The following PTK2B variants were observed in gnomAD, a reference collection of about 807,000 sequenced individuals.
PTK2B encodes the protein protein-tyrosine kinase 2-beta.
A neutral mutation model predicts 142.9 loss-of-function variants in PTK2B; 71 were observed. The observed-to-expected ratio is 0.50, with a 90% CI of 0.41 to 0.61. PTK2B has a LOEUF of 0.61. Ranked by LOEUF, PTK2B falls within the 20% of genes least tolerant of loss-of-function variation. The pLI is 0.00. For missense variants in PTK2B, 1,105 were observed against 1,320.4 expected (o/e 0.84, Z 2.53); for synonymous variants, 519 against 503.4 (o/e 1.03, Z -0.42).
intron 2 of PTK2B, among the ~76,000 whole-genome samples, chr8:27,407,289 T>C (rs995884411): frequency 1.3e-5 from 2 of 152,162 alleles, no homozygotes; most frequent in Non-Finnish European, 2.9e-5. Context: ...CCTGGGAACA[T>C]AAAACCCTTC....
chr8:27,445,686 T>G, intron 23 of PTK2B, 108 bp from the exon 24 acceptor site: 3 of 1,499,704 alleles, frequency 2.0e-6, no homozygotes, highest in Non-Finnish European at 2.7e-6. Context: ...CAAGCCCCAT[T>G]CCCTGTGGTG....
intron 2 of PTK2B, among the ~76,000 whole-genome samples, chr8:27,398,074 A>G (rs1563251968): frequency 6.6e-6 from 1 of 152,278 alleles, no homozygotes; most frequent in South Asian, 2.1e-4. Context: ...TTAAGTATTT[A>G]TGATACTTGA....
intron 1 of PTK2B, among the ~76,000 whole-genome samples, chr8:27,359,218 T>G (rs577522501): frequency 1.3e-5 from 2 of 152,224 alleles, no homozygotes; most frequent in South Asian, 2.1e-4. Flanking sequence ...CAGGTTCAAG[T>G]AATTCTCCTG....
At chr8:27,412,721 C>A (rs944222468) in intron 2 of PTK2B, among the ~76,000 whole-genome samples, 1 of 152,130 alleles carries the variant, frequency 6.6e-6, no homozygotes, top group African/African-American at 2.4e-5. Flanking sequence ...TGAATTTCAA[C>A]CCCAAGGACC....
At chr8:27,394,538 G>A (rs914728253) in intron 1 of PTK2B, among the ~76,000 whole-genome samples, 3 of 152,234 alleles carry the variant, frequency 2.0e-5, no homozygotes, top group African/African-American at 2.4e-5. Flanking sequence ...CGGAATCTGC[G>A]AGTGAGTGTG....
At chr8:27,344,825 A>G (rs1285140414) in intron 1 of PTK2B, among the ~76,000 whole-genome samples, 1 of 152,200 alleles carries the variant, frequency 6.6e-6, no homozygotes, top group African/African-American at 2.4e-5. Flanking sequence ...GTCTCAGACC[A>G]TACAGAACAC....
chr8:27,378,201 T>C (rs1022086921), intron 1 of PTK2B, among the ~76,000 whole-genome samples: 1 of 152,202 alleles, frequency 6.6e-6, no homozygotes, highest in Non-Finnish European at 1.5e-5. Context: ...AACCAAGGTC[T>C]CTCCTTGTAG....
intron 30 of PTK2B, among the ~76,000 whole-genome samples, chr8:27,454,969 A>C (rs1165918347): frequency 1.3e-5 from 2 of 152,204 alleles, no homozygotes; most frequent in Admixed American, 6.5e-5. Context: ...AATATCACTT[A>C]AGGTTTCTTT....
chr8:27,334,768 T>C (rs913409701), intron 1 of PTK2B, among the ~76,000 whole-genome samples: 2 of 152,130 alleles, frequency 1.3e-5, no homozygotes, highest in African/African-American at 4.8e-5. Flanking sequence ...AACAGCCAGT[T>C]GCAACTAGAA....
At chr8:27,386,305 G>T (rs529333994) in intron 1 of PTK2B, among the ~76,000 whole-genome samples, 9 of 152,292 alleles carry the variant, frequency 5.9e-5, no homozygotes, top group African/African-American at 1.9e-4. Flanking sequence ...GCCTTGGATA[G>T]ATGCGGTATG....
At position 27,450,821 on chromosome 8, in the gene PTK2B, C is replaced by T. The variant is rs771523736; in HGVS notation, c.2413C>T (p.Arg805Trp). ...QLWEAEKVKM[R>W]QILDKQQKQM... ...GTGGGAGGCTGAAAAGGTCAAAATG[C>T]GGCAAATCCTGGACAAACAGCAGAA... The change falls in exon 25 of 31, where the codon CGG becomes TGG. Residue 805 changes from arginine (R) to tryptophan (W), a missense_variant. Physicochemically the swap from Arg to Trp is moderately radical, Grantham distance 101 (BLOSUM62 -3). Coordinates refer to ENST00000346049, the MANE Select transcript of PTK2B (RefSeq NM_173176.3). The T allele has an allele frequency of 1.8e-5, 29 of 1,614,030 alleles. No individual in the cohort carries two copies. Among genetic ancestry groups the T allele is most frequent in the Admixed American group, 6.7e-5 (4 of 60,002 alleles).
chr8:27,392,777 C>T (rs1388006097), intron 1 of PTK2B, among the ~76,000 whole-genome samples: 1 of 152,182 alleles, frequency 6.6e-6, no homozygotes, highest in East Asian at 1.9e-4. Flanking sequence ...TCTGTGTCTA[C>T]AGCTCAGAGT....
At chr8:27,339,595 G>T (rs1016344262) in intron 1 of PTK2B, among the ~76,000 whole-genome samples, 2 of 152,232 alleles carry the variant, frequency 1.3e-5, no homozygotes, top group African/African-American at 4.8e-5. Context: ...GCGAAAGCTT[G>T]AGAGATGACC....
intron 1 of PTK2B, among the ~76,000 whole-genome samples, chr8:27,350,113 G>C (rs781544850): frequency 6.6e-6 from 1 of 152,314 alleles, no homozygotes; most frequent in Non-Finnish European, 1.5e-5. Flanking sequence ...ATAAAGGTAC[G>C]GGGAAGCAAT....
chr8:27,429,004 C>T (rs1026447881), intron 5 of PTK2B, among the ~76,000 whole-genome samples: 1 of 152,158 alleles, frequency 6.6e-6, no homozygotes, highest in African/African-American at 2.4e-5. Context: ...ACTGCAACCT[C>T]CGCCTCCTGG....
chr8:27,345,810 A>G (rs949645754), intron 1 of PTK2B, among the ~76,000 whole-genome samples: 7 of 152,202 alleles, frequency 4.6e-5, no homozygotes, highest in African/African-American at 1.4e-4. Flanking sequence ...GAAAATGTGT[A>G]TATGTGCCCC....
intron 1 of PTK2B, among the ~76,000 whole-genome samples, chr8:27,366,155 T>C (rs1209981265): frequency 6.6e-6 from 1 of 152,224 alleles, no homozygotes; most frequent in African/African-American, 2.4e-5. Flanking sequence ...AAGCAAATCA[T>C]GGCTCTTGGG....
At chr8:27,453,442 G>A (rs1811947442) in intron 28 of PTK2B, among the ~76,000 whole-genome samples, 1 of 152,182 alleles carries the variant, frequency 6.6e-6, no homozygotes, top group African/African-American at 2.4e-5. Flanking sequence ...AGTGGTGTGG[G>A]CTGCTTCCCT....
At chr8:27,339,545 A>G (rs1355517696) in intron 1 of PTK2B, among the ~76,000 whole-genome samples, 1 of 152,206 alleles carries the variant, frequency 6.6e-6, no homozygotes, top group Non-Finnish European at 1.5e-5. Flanking sequence ...CAAGAAGGTA[A>G]GAAAGGAAGC....
Sources: allele counts gnomAD v4.1 joint callset (sites outside exome capture counted in the v4.1 genomes callset), GRCh38; gene constraint gnomAD v4.1.1; transcripts MANE v1.5; gene names NCBI Gene and HGNC (gene_info 2026-07-23, HGNC 2026-07-21).